Variants in ESRRB observed in about 807,000 individuals in gnomAD.
ESRRB encodes the protein steroid hormone receptor ERR2.
A neutral mutation model predicts 46.0 loss-of-function variants in ESRRB; 16 were observed. The ratio of observed to expected loss-of-function variants is 0.35; its 90% CI spans 0.24 to 0.53. The LOEUF (loss-of-function observed/expected upper bound fraction) is 0.53. Ranked by LOEUF, ESRRB falls within the 20% of genes least tolerant of loss-of-function variation. The probability of loss-of-function intolerance (pLI) is 0.93; values close to 1 mark genes in which losing one functional copy is unlikely to be tolerated. For missense variants in ESRRB, 488 were observed against 607.4 expected (o/e 0.80, Z 2.07); for synonymous variants, 246 against 259.6 (o/e 0.95, Z 0.50).
rs1444993588 is a variant in ESRRB, at chr14:76,329,134, C to T, written c.2+18218C>T. 2.0e-5 allele frequency among the ~76,000 whole-genome samples: 3 copies of T among 152,154 alleles called. No homozygotes were observed. In the East Asian group the frequency reaches 5.8e-4, roughly 29 times the overall value. ...CAATTGGGTACCCGTTTGGCCACCA[C>T]ACACCAGTAACTCCAGTGTCAAATT... On this transcript the variant is annotated intron_variant, in intron 1 of 6. Transcript: ENST00000512784.
chr14:76,418,007 G>T (rs1174637165), intron 1 of ESRRB, among the ~76,000 whole-genome samples: 1 of 147,310 alleles, frequency 6.8e-6, no homozygotes, highest in Non-Finnish European at 1.5e-5. Context: ...CCAGGCTGGA[G>T]TGCAGAGACA....
At chr14:76,358,406 A>AGAAAG in intron 1 of ESRRB, among the ~76,000 whole-genome samples, 1 of 143,158 alleles carries the variant, frequency 7.0e-6, no homozygotes, top group African/African-American at 2.7e-5. Context: ...AAAGAAAGAA[A>AGAAAG]GAAAGAAAAG....
At chr14:76,373,691 C>T (rs1271356676), upstream of ESRRB, among the ~76,000 whole-genome samples, 1 of 152,118 alleles carries the variant, frequency 6.6e-6, no homozygotes, top group Non-Finnish European at 1.5e-5. Flanking sequence ...AAGAACTTGG[C>T]CCCAGGGCTG....
chr14:76,462,467 C>T, intron 2 of ESRRB, 78 bp from the exon 3 acceptor site: 1 of 1,087,036 alleles, frequency 9.2e-7, no homozygotes, highest in Middle Eastern at 2.6e-4. Context: ...TTAAAATCCC[C>T]ATCCAGCCAG....
intron 3 of ESRRB, among the ~76,000 whole-genome samples, chr14:76,466,213 G>A (rs1348027567): frequency 1.3e-5 from 2 of 152,202 alleles, no homozygotes; most frequent in African/African-American, 2.4e-5. Context: ...GGGGAGGGCT[G>A]CAGACGGAGA....
chr14:76,354,231 C>CG (rs938634957), intron 1 of ESRRB, among the ~76,000 whole-genome samples: 9 of 102,230 alleles, frequency 8.8e-5, no homozygotes, highest in Non-Finnish European at 1.4e-4. Context: ...CCCGCCCCCC[C>CG]CCCCACCCAC....
At position 76,383,295 on chromosome 14, in the gene ESRRB, G is replaced by GT. The variant is rs535065739; in HGVS notation, c.50+6849dup. On this transcript the variant is annotated intron_variant, in intron 1 of 6. Transcript: ENST00000644823. ...TGAATTGGCTTGAGTTCATAAATTAGTTTTTATGTTTTATTCTTTTTGTTA... is the reference window on the plus strand; with the variant it reads ...TGAATTGGCTTGAGTTCATAAATTAGTTTTTTATGTTTTATTCTTTTTGTTA... Among the ~76,000 whole-genome samples the GT allele has an allele frequency of 3.1e-3, 470 of 151,628 alleles. 3 individuals are homozygous for GT. Among genetic ancestry groups the GT allele is most frequent in the Admixed American group, 8.6e-3 (131 of 15,246 alleles).
chr14:76,429,475 G>A (rs369323940), intron 1 of ESRRB, among the ~76,000 whole-genome samples: 1 of 152,156 alleles, frequency 6.6e-6, no homozygotes, highest in Non-Finnish European at 1.5e-5. Flanking sequence ...TTCAGGCCGG[G>A]CGCAGTGGCT....
At chr14:76,335,815 A>G (rs189734251) in intron 1 of ESRRB, among the ~76,000 whole-genome samples, 8 of 152,324 alleles carry the variant, frequency 5.3e-5, no homozygotes, top group Admixed American at 2.0e-4. Flanking sequence ...TTCAGGTGTC[A>G]TAAGTTAATC....
intron 2 of ESRRB, 112 bp from the exon 3 acceptor site, chr14:76,462,433 G>C (rs57898283): frequency 6.6e-6 from 5 of 761,442 alleles, no homozygotes; most frequent in African/African-American, 1.7e-5. Context: ...GAGAACACTA[G>C]GGGGGAGTGG....
chr14:76,382,284 T>C (rs552459782), intron 1 of ESRRB, among the ~76,000 whole-genome samples: 1 of 152,364 alleles, frequency 6.6e-6, no homozygotes, highest in African/African-American at 2.4e-5. Flanking sequence ...GGTCTGGCTG[T>C]GACCACATTC....
chr14:76,482,744 G>A lies in ESRRB; in HGVS notation c.835G>A (p.Ala279Thr). The stretch of plus-strand genomic sequence containing the variant: ...AGAGCTTGTGGTCATCATTGGCTGG[G>A]CCAAGCACATCCCAGGTGAGCATGT... ...DRELVVIIGWAKHIPGFSSLS... is the reference protein window; with the variant it reads ...DRELVVIIGWTKHIPGFSSLS... Residue 279 changes from alanine to threonine, a missense_variant, in exon 5 of 7, where the codon GCC becomes ACC. By Grantham distance (58) the Ala-to-Thr change is moderately conservative. Coordinates refer to ENST00000644823, the MANE Select transcript of ESRRB (RefSeq NM_001379180.1). The surrounding 1 kb of genome is among the most constrained non-coding windows in gnomAD (Gnocchi z 4.3). The A allele has an allele frequency of 6.2e-7, 1 of 1,614,076 alleles. No individual in the cohort carries two copies. Among genetic ancestry groups the A allele is most frequent in the Non-Finnish European group, 8.5e-7 (1 of 1,180,018 alleles).
At chr14:76,329,880 A>T (rs1595045839) in intron 1 of ESRRB, among the ~76,000 whole-genome samples, 1 of 149,126 alleles carries the variant, frequency 6.7e-6, no homozygotes, top group East Asian at 2.0e-4. Flanking sequence ...TGCGGGGGGG[A>T]TAATTGTCTT....
chr14:76,485,938 G>A (rs1372058983), intron 5 of ESRRB, among the ~76,000 whole-genome samples: 1 of 152,156 alleles, frequency 6.6e-6, no homozygotes, highest in Non-Finnish European at 1.5e-5. Flanking sequence ...AGTTGTGGCT[G>A]AGACAAGGAA....
rs1312115813 is a variant in ESRRB at position 76,312,183 on chromosome 14, T to G, written c.2+1267T>G. Among the ~76,000 whole-genome samples, 3 of 152,224 alleles carry G rather than the reference T, an allele frequency of 2.0e-5. No homozygotes were observed. The South Asian group carries it at 6.2e-4, about 32-fold the overall frequency. On this transcript the variant is annotated intron_variant, in intron 1 of 6. Transcript: ENST00000512784. ...ATTTAAAAGCATTAAACAAAGCAGA[T>G]ATGCCTGTATTATTTTTGATTGATT...
At chr14:76,424,038 T>C (rs192521638) in intron 1 of ESRRB, among the ~76,000 whole-genome samples, 33 of 152,312 alleles carry the variant, frequency 2.2e-4, no homozygotes, top group Admixed American at 1.4e-3. Context: ...ATGATGTAAC[T>C]CATGACAGCA....
chr14:76,493,493 A>G (rs1339818016), intron 6 of ESRRB, among the ~76,000 whole-genome samples: 2 of 152,242 alleles, frequency 1.3e-5, no homozygotes, highest in African/African-American at 4.8e-5. Flanking sequence ...GACTGACAAT[A>G]AAGCACTCAG....
intron 1 of ESRRB, among the ~76,000 whole-genome samples, chr14:76,378,340 C>G (rs955693106): frequency 1.3e-5 from 2 of 152,092 alleles, no homozygotes; most frequent in African/African-American, 2.4e-5. Flanking sequence ...GCAGCCCTGA[C>G]TGGAGTTTGA....
At chr14:76,417,813 C>T (rs1026992118) in intron 1 of ESRRB, among the ~76,000 whole-genome samples, 1 of 152,118 alleles carries the variant, frequency 6.6e-6, no homozygotes, top group Non-Finnish European at 1.5e-5. Context: ...CGAGGCATCA[C>T]ACAGGTAGTC....
Sources: gnomAD v4.1 joint callset for allele counts (sites outside exome capture counted in the v4.1 genomes callset) on GRCh38, gnomAD v4.1.1 for gene constraint, Gnocchi (gnomAD v3.1) non-coding constraint, MANE v1.5 for transcripts, NCBI Gene and HGNC (gene_info 2026-07-23, HGNC 2026-07-21) for gene names.